The following CDH13 variants were observed in gnomAD, a reference collection of about 807,000 sequenced individuals.
CDH13 encodes cadherin-13.
In CDH13, 24 loss-of-function variants were observed where a neutral mutation model predicts 63.8. The ratio of observed to expected loss-of-function variants is 0.38; its 90% CI spans 0.27 to 0.53. The LOEUF is 0.53. Ranked by LOEUF, CDH13 falls within the 20% of genes least tolerant of loss-of-function variation. CDH13 has a pLI of 0.85. For synonymous variants in CDH13, 503 were observed against 355.3 expected, an observed-to-expected ratio of 1.42 and a Z score of -4.67; for missense variants, 1,049 against 903.1, an observed-to-expected ratio of 1.16 and a Z score of -2.07.
intron 5 of CDH13, 64 bp downstream of exon 5, chr16:83,217,561 T>C (rs2039575456): frequency 5.9e-6 from 9 of 1,516,460 alleles, no homozygotes; most frequent in Non-Finnish European, 8.1e-6. Context: ...ATTGTTTTCT[T>C]CCCACTGAGC....
chr16:82,642,709 A>G (rs2150890715), intron 1 of CDH13, among the ~76,000 whole-genome samples: 1 of 152,362 alleles, frequency 6.6e-6, no homozygotes, highest in East Asian at 1.9e-4. Flanking sequence ...GAATAATAAT[A>G]GTAGAAGTGG....
chr16:83,402,911 A>T (rs964603675), intron 6 of CDH13, among the ~76,000 whole-genome samples: 1 of 152,166 alleles, frequency 6.6e-6, no homozygotes, highest in Non-Finnish European at 1.5e-5. Context: ...TTTTAAATTA[A>T]TTTGATTTGG....
In CDH13 at chr16:82,804,218, C is replaced by G. The variant is rs150233564; in HGVS notation, c.46-54144C>G. 4.2e-3 allele frequency among the ~76,000 whole-genome samples: 439 copies of G among 105,580 alleles called. 3 individuals are homozygous for G. Among genetic ancestry groups the G allele is most frequent in the Middle Eastern group, 0.027 (6 of 226 alleles). 69.3% of individuals were successfully genotyped at this position (105,580 alleles called of 152,430 possible). A position where few individuals can be genotyped will look rare whatever the true frequency, so the allele number is the denominator to read the frequency against. On this transcript the variant is annotated intron_variant, in intron 1 of 13. Transcript: ENST00000567109. ...ACTCCAGCCTGGTGACAGAGTGAGA[C>G]TTCATCTCAAAAAAAAAAATGTGTT... is the stretch of plus-strand genomic sequence containing the variant.
intron 4 of CDH13, among the ~76,000 whole-genome samples, chr16:83,145,112 T>G (rs2036694454): frequency 6.6e-6 from 1 of 152,166 alleles, no homozygotes; most frequent in Non-Finnish European, 1.5e-5. Context: ...CTCCTCCAAT[T>G]TATTTGTCTA....
At chr16:83,443,737 TA>T (rs2072567641) in intron 6 of CDH13, among the ~76,000 whole-genome samples, 11 of 10,838 alleles carry the variant, frequency 1.0e-3, no homozygotes, top group African/African-American at 3.7e-3. Flanking sequence ...AAAAAAAAAA[TA>T]TATATATATA....
intron 1 of CDH13, among the ~76,000 whole-genome samples, chr16:82,740,012 A>G (rs1003921397): frequency 6.6e-6 from 1 of 152,184 alleles, no homozygotes; most frequent in South Asian, 2.1e-4. Context: ...CACCTAATAG[A>G]CCATTTCTCT....
At chr16:83,703,085 A>C (rs574416163) in intron 10 of CDH13, among the ~76,000 whole-genome samples, 1 of 152,222 alleles carries the variant, frequency 6.6e-6, no homozygotes, top group South Asian at 2.1e-4. Flanking sequence ...TCCTTGGGTC[A>C]TGTATCTCTT....
chr16:83,248,831 T>G (rs1013342633), intron 5 of CDH13, among the ~76,000 whole-genome samples: 1 of 152,136 alleles, frequency 6.6e-6, no homozygotes, highest in Non-Finnish European at 1.5e-5. Context: ...CACAGAACTC[T>G]CCCCTGGAAT....
In CDH13 at chr16:83,736,580, T is replaced by C. The variant is rs146633156; in HGVS notation, c.1539-11528T>C. 3.0e-3 allele frequency among the ~76,000 whole-genome samples: 455 copies of C among 152,046 alleles called. 4 individuals are homozygous for C. Among genetic ancestry groups the C allele is most frequent in the African/African-American group, 0.01 (435 of 41,464 alleles). On this transcript the variant is annotated intron_variant, in intron 10 of 13. Coordinates refer to ENST00000567109, the MANE Select transcript of CDH13 (RefSeq NM_001257.5). ...ATAAATGTCTTTGCAAAGACACTTA[T>C]AAAGTTGTGAAGACGTTGTTTCCTT... is the stretch of plus-strand genomic sequence containing the variant.
intron 2 of CDH13, 75 bp from the exon 3 acceptor site, chr16:83,031,935 A>C: frequency 8.6e-7 from 1 of 1,158,312 alleles, no homozygotes; most frequent in Non-Finnish European, 1.3e-6. Context: ...ATTCACACTT[A>C]ATAGGTCAGA....
At chr16:82,959,385 T>C (rs1906613596) in intron 2 of CDH13, among the ~76,000 whole-genome samples, 1 of 152,208 alleles carries the variant, frequency 6.6e-6, no homozygotes. Context: ...ATTTCTTCTG[T>C]AAAAATTTAT....
chr16:83,044,454 G>C (rs1917597966), intron 3 of CDH13, among the ~76,000 whole-genome samples: 1 of 152,182 alleles, frequency 6.6e-6, no homozygotes, highest in East Asian at 1.9e-4. Flanking sequence ...GTATTGTCAT[G>C]ACACATTTTA....
At chr16:83,488,345 A>G (rs2073940015) in intron 7 of CDH13, among the ~76,000 whole-genome samples, 1 of 152,220 alleles carries the variant, frequency 6.6e-6, no homozygotes, top group Admixed American at 6.5e-5. Context: ...AAGTACTTCT[A>G]AAAATCCTAA....
At chr16:83,537,409 T>A (rs925830343) in intron 7 of CDH13, among the ~76,000 whole-genome samples, 2 of 152,222 alleles carry the variant, frequency 1.3e-5, no homozygotes, top group African/African-American at 4.8e-5. Context: ...TTGAATAATT[T>A]ACTTGGATTC....
At chr16:82,782,859 G>C (rs529675023) in intron 1 of CDH13, among the ~76,000 whole-genome samples, 2 of 152,146 alleles carry the variant, frequency 1.3e-5, no homozygotes, top group African/African-American at 4.8e-5. Flanking sequence ...CTGCGCAGGG[G>C]CCTGGGCGAG....
chr16:83,437,300 A>G (rs2072335400), intron 6 of CDH13, among the ~76,000 whole-genome samples: 2 of 152,184 alleles, frequency 1.3e-5, no homozygotes, highest in Admixed American at 1.3e-4. Context: ...TAGAAATATT[A>G]TAAATATGAA....
chr16:83,474,669 G>T (rs903122117), intron 6 of CDH13, among the ~76,000 whole-genome samples: 1 of 152,198 alleles, frequency 6.6e-6, no homozygotes, highest in African/African-American at 2.4e-5. Flanking sequence ...TAAAGCAGAA[G>T]CCAAGGAAAT....
intron 1 of CDH13, among the ~76,000 whole-genome samples, chr16:82,831,665 C>T (rs1046228229): frequency 1.3e-5 from 2 of 152,310 alleles, no homozygotes; most frequent in African/African-American, 2.4e-5. Context: ...ACTTATGAGA[C>T]AGAAGAGGTA....
chr16:83,312,635 G>A lies in CDH13; in HGVS notation c.637-32227G>A, dbSNP rs139127881. The stretch of plus-strand genomic sequence containing the variant: ...TGCCAGGTCTACAGGGAAACACAGA[G>A]AGGTAATGGCCAAAGATAAGCAGAA... On this transcript the variant is annotated intron_variant, in intron 5 of 13. Transcript: ENST00000567109. 1.7e-3 allele frequency among the ~76,000 whole-genome samples: 259 copies of A among 152,272 alleles called. 3 individuals carry two copies. Among genetic ancestry groups the A allele is most frequent in the African/African-American group, 5.9e-3 (247 of 41,544 alleles).
Sources: allele counts gnomAD v4.1 joint callset (sites outside exome capture counted in the v4.1 genomes callset), GRCh38; gene constraint gnomAD v4.1.1; transcripts MANE v1.5; gene names NCBI Gene and HGNC (gene_info 2026-07-23, HGNC 2026-07-21).